ABRAXAS1: variants seen among roughly 807,000 people sequenced by gnomAD.
ABRAXAS1 encodes the protein BRCA1-A complex subunit Abraxas 1.
In ABRAXAS1, 26 loss-of-function variants were observed where a neutral mutation model predicts 38.4. The observed-to-expected ratio is 0.68, with a 90% CI of 0.50 to 0.94. The LOEUF is 0.94. Ranked by LOEUF, ABRAXAS1 falls within the 40% of genes least tolerant of loss-of-function variation. ABRAXAS1 has a pLI of 0.00. For missense variants in ABRAXAS1, 438 were observed against 481.9 expected (o/e 0.91, Z 0.85); for synonymous variants, 144 against 165.5 (o/e 0.87, Z 1.00).
intron 5 of ABRAXAS1, chr4:83,469,463 C>G (rs1417148922): frequency 4.1e-6 from 1 of 246,640 alleles, no homozygotes; most frequent in East Asian, 8.7e-5. Context: ...ACTACAGGCA[C>G]CCATCACCAC....
At chr4:83,473,957 C>T (rs1186840667) in intron 3 of ABRAXAS1, among the ~76,000 whole-genome samples, 1 of 151,248 alleles carries the variant, frequency 6.6e-6, no homozygotes, top group African/African-American at 2.4e-5. Context: ...CGTGGCAAAA[C>T]CCCATCTCTA....
chr4:83,465,078 C>A (rs543983578), intron 7 of ABRAXAS1, among the ~76,000 whole-genome samples: 1 of 151,698 alleles, frequency 6.6e-6, no homozygotes, highest in African/African-American at 2.4e-5. Context: ...GGTAGATAAC[C>A]TGAGGTCTTG....
In ABRAXAS1 at chr4:83,461,462, A is replaced by G. The variant is rs1170399941; in HGVS notation, c.*1007T>C. 2.4e-6 allele frequency: 1 copy of G among 410,818 alleles called. No individual in the cohort carries two copies. Among genetic ancestry groups the G allele is most frequent in the African/African-American group, 2.0e-5 (1 of 50,974 alleles). 25.4% of individuals were successfully genotyped at this position (410,818 alleles called of 1,614,324 possible). ...AATAGCTCATACAATAATCCATTCAATAGAATGGAATTAAAACTGTTCAGA... is the reference window on the plus strand; with the variant it reads ...AATAGCTCATACAATAATCCATTCAGTAGAATGGAATTAAAACTGTTCAGA... On this transcript the variant is annotated 3_prime_UTR_variant, in exon 9 of 9. Coordinates refer to ENST00000321945, the MANE Select transcript of ABRAXAS1 (RefSeq NM_139076.3).
At chr4:83,470,090 G>C (rs1394489255) in intron 5 of ABRAXAS1, 113 bp downstream of exon 5, 1 of 718,358 alleles carries the variant, frequency 1.4e-6, no homozygotes, top group South Asian at 2.7e-5. Context: ...GAAGGTTATC[G>C]TGACAATCTG....
intron 7 of ABRAXAS1, 57 bp from the exon 8 acceptor site, chr4:83,463,665 A>T: frequency 3.4e-6 from 3 of 889,526 alleles, no homozygotes; most frequent in South Asian, 4.1e-5. Flanking sequence ...GTACTAATAC[A>T]GTCTAGATTC....
intron 3 of ABRAXAS1, 45 bp from the exon 4 acceptor site, chr4:83,472,333 T>G (rs781212317): frequency 8.8e-7 from 1 of 1,131,444 alleles, no homozygotes; most frequent in South Asian, 1.6e-5. Flanking sequence ...GCTAAAAATA[T>G]AAGTAATTTT....
chr4:83,476,014 C>G (rs1288343942), intron 3 of ABRAXAS1, among the ~76,000 whole-genome samples: 8 of 152,082 alleles, frequency 5.3e-5, no homozygotes, highest in Admixed American at 4.6e-4. Flanking sequence ...CCAGCCTGGG[C>G]AACATGGCAA....
chr4:83,467,039 A>G (rs535007720), intron 7 of ABRAXAS1: 1 of 158,076 alleles, frequency 6.3e-6, no homozygotes, highest in African/African-American at 2.4e-5. Context: ...AAGAAATACA[A>G]CTCAGTCAAT....
At chr4:83,468,024 C>T (rs62305260) in intron 6 of ABRAXAS1, among the ~76,000 whole-genome samples, 6 of 152,132 alleles carry the variant, frequency 3.9e-5, no homozygotes, top group South Asian at 4.1e-4. Context: ...TGCATCTTGC[C>T]GGGCGCGGTG....
At chr4:83,475,321 A>G (rs748731375) in intron 3 of ABRAXAS1, among the ~76,000 whole-genome samples, 5 of 152,216 alleles carry the variant, frequency 3.3e-5, no homozygotes, top group Non-Finnish European at 7.3e-5. Context: ...AAAAGACCAC[A>G]CTAAGCTCCT....
chr4:83,459,707 T>C lies in ABRAXAS1; in HGVS notation c.*2762A>G. ...CATTCAGAAATAAATAACAGATACT[T>C]TTTTTTCCCCTCCACATAAAACTCC... On this transcript the variant is annotated 3_prime_UTR_variant, in exon 9 of 9. Coordinates refer to ENST00000321945, the MANE Select transcript of ABRAXAS1 (RefSeq NM_139076.3). 6.3e-7 allele frequency: 1 copy of C among 1,580,672 alleles called. No individual in the cohort carries two copies. The highest frequency in any genetic ancestry group is 1.1e-5 in the South Asian group (1 of 87,072).
At chr4:83,483,277 C>CTTTT (rs745707908) in intron 1 of ABRAXAS1, among the ~76,000 whole-genome samples, 6 of 136,464 alleles carry the variant, frequency 4.4e-5, no homozygotes, top group Non-Finnish European at 7.9e-5. Flanking sequence ...GATTTTATAT[C>CTTTT]TTTTTTTTTT....
intron 2 of ABRAXAS1, among the ~76,000 whole-genome samples, chr4:83,480,847 T>C (rs1268761605): frequency 6.6e-6 from 1 of 152,134 alleles, no homozygotes; most frequent in Non-Finnish European, 1.5e-5. Context: ...AATAGTATTG[T>C]AGGCCAGGCA....
intron 2 of ABRAXAS1, among the ~76,000 whole-genome samples, chr4:83,481,171 G>T (rs112962421): frequency 1.3e-5 from 2 of 151,728 alleles, no homozygotes; most frequent in African/African-American, 4.8e-5. Context: ...ATATTGTAGA[G>T]GATTATGCAA....
At chr4:83,484,066 C>G (rs1193571857) in intron 1 of ABRAXAS1, 1 of 965,838 alleles carries the variant, frequency 1.0e-6, no homozygotes, top group African/African-American at 1.8e-5. Context: ...CCGGGTCTCA[C>G]TACGTTGTCC....
At position 83,459,928 on chromosome 4, in the gene ABRAXAS1, G is replaced by A. The variant is rs529928480; in HGVS notation, c.*2541C>T. The A allele has an allele frequency of 1.5e-6, 1 of 681,370 alleles. No homozygotes were observed. Among genetic ancestry groups the A allele is most frequent in the African/African-American group, 1.8e-5 (1 of 54,578 alleles). 42.2% of individuals were successfully genotyped at this position (681,370 alleles called of 1,614,324 possible). A position where few individuals can be genotyped will look rare whatever the true frequency, so the allele number is the denominator to read the frequency against. The stretch of plus-strand genomic sequence containing the variant: ...ACTAGATCAGATACTACAGGGACTA[G>A]AGCTAGTTACTATGAAAAAGTCTCT... On this transcript the variant is annotated 3_prime_UTR_variant, in exon 9 of 9. Coordinates refer to ENST00000321945, the MANE Select transcript of ABRAXAS1 (RefSeq NM_139076.3).
chr4:83,469,185 A>G, intron 5 of ABRAXAS1, 34 bp from the exon 6 acceptor site: 1 of 1,590,076 alleles, frequency 6.3e-7, no homozygotes, highest in Middle Eastern at 1.7e-4. Context: ...ATAAACTTAG[A>G]ATGAAAAGAA....
In ABRAXAS1 at chr4:83,462,235, C is replaced by T; in HGVS notation, c.*234G>A. The T allele has an allele frequency of 2.1e-6, 1 of 473,066 alleles. No individual in the cohort carries two copies. The allele number at this position is 473,066 out of a possible 1,614,324, so 29.3% of individuals were successfully genotyped here. ...AAGAATGTGTCTGTGTAAGCCTTCC[C>T]CTCAACAACTTAGTGAAAGGTGAAA... On this transcript the variant is annotated 3_prime_UTR_variant, in exon 9 of 9. Coordinates refer to ENST00000321945, the MANE Select transcript of ABRAXAS1 (RefSeq NM_139076.3).
intron 2 of ABRAXAS1, among the ~76,000 whole-genome samples, chr4:83,481,328 T>A (rs1309146587): frequency 6.6e-6 from 1 of 152,046 alleles, no homozygotes; most frequent in Non-Finnish European, 1.5e-5. Context: ...CTTTTAACCA[T>A]TTTTTTCCCT....
Sources: gnomAD v4.1 joint callset for allele counts (sites outside exome capture counted in the v4.1 genomes callset) on GRCh38, gnomAD v4.1.1 for gene constraint, MANE v1.5 for transcripts, NCBI Gene and HGNC (gene_info 2026-07-23, HGNC 2026-07-21) for gene names.